GPC5: variants seen among roughly 807,000 people sequenced by gnomAD.
GPC5 encodes glypican 5.
GPC5 carries 47 observed loss-of-function variants against 53.9 expected under a neutral mutation model. The observed-to-expected ratio is 0.87, with a 90% confidence interval of 0.69 to 1.11. The LOEUF is 1.11. GPC5 is among the 50% of genes most tolerant of loss of function. The probability of loss-of-function intolerance (pLI) is 0.00; values close to 1 mark genes in which losing one functional copy is unlikely to be tolerated. For synonymous variants in GPC5, 286 were observed against 263.3 expected (o/e 1.09, Z -0.84); for missense variants, 748 against 713.1 (o/e 1.05, Z -0.56).
chr13:91,755,516 C>T (rs2037270964), intron 4 of GPC5, among the ~76,000 whole-genome samples: 1 of 152,038 alleles, frequency 6.6e-6, no homozygotes, highest in South Asian at 2.1e-4. Flanking sequence ...TGTTAAAACT[C>T]AAGTTCTTGG....
intron 6 of GPC5, among the ~76,000 whole-genome samples, chr13:91,929,522 T>C (rs1228171518): frequency 6.6e-6 from 1 of 152,162 alleles, no homozygotes. Flanking sequence ...GCAGACTCTT[T>C]CATGTTTCAT....
At chr13:91,983,856 G>T (rs1030660259) in intron 6 of GPC5, among the ~76,000 whole-genome samples, 5 of 152,094 alleles carry the variant, frequency 3.3e-5, no homozygotes, top group Admixed American at 6.5e-5. Flanking sequence ...ACATCCTGAG[G>T]TCAACCGATT....
intron 7 of GPC5, among the ~76,000 whole-genome samples, chr13:92,550,869 T>G (rs1282821761): frequency 6.6e-6 from 1 of 151,892 alleles, no homozygotes; most frequent in Non-Finnish European, 1.5e-5. Flanking sequence ...CCATCTGTTT[T>G]TATTGTTTTT....
intron 7 of GPC5, among the ~76,000 whole-genome samples, chr13:92,527,741 T>G (rs1881418354): frequency 6.6e-6 from 1 of 152,182 alleles, no homozygotes; most frequent in South Asian, 2.1e-4. Context: ...GAACAGCCTT[T>G]AAATGCATTA....
chr13:92,388,545 C>T (rs989376475), intron 7 of GPC5, among the ~76,000 whole-genome samples: 4 of 151,998 alleles, frequency 2.6e-5, no homozygotes, highest in African/African-American at 4.8e-5. Flanking sequence ...GGAATATACC[C>T]GCAATTAAAC....
At chr13:91,766,601 G>A (rs1200361038) in intron 5 of GPC5, among the ~76,000 whole-genome samples, 1 of 152,200 alleles carries the variant, frequency 6.6e-6, no homozygotes, top group Admixed American at 6.5e-5. Flanking sequence ...GGTGGCTCAT[G>A]CCTGTAATCC....
intron 7 of GPC5, among the ~76,000 whole-genome samples, chr13:92,194,204 C>T (rs1038844691): frequency 6.6e-6 from 1 of 152,106 alleles, no homozygotes; most frequent in African/African-American, 2.4e-5. Flanking sequence ...AAACAAAACA[C>T]AAGGTGATGA....
At chr13:91,496,495 T>A (rs1183094547) in intron 2 of GPC5, among the ~76,000 whole-genome samples, 1 of 152,182 alleles carries the variant, frequency 6.6e-6, no homozygotes, top group Non-Finnish European at 1.5e-5. Flanking sequence ...AATGGAACTG[T>A]TCATTATGTT....
intron 2 of GPC5, among the ~76,000 whole-genome samples, chr13:91,514,091 T>C (rs1885374183): frequency 6.6e-6 from 1 of 152,252 alleles, no homozygotes; most frequent in South Asian, 2.1e-4. Flanking sequence ...TTATTTTCAG[T>C]AAAGCTATTG....
At chr13:91,463,488 G>A (rs192746244) in intron 2 of GPC5, among the ~76,000 whole-genome samples, 4 of 152,194 alleles carry the variant, frequency 2.6e-5, no homozygotes, top group South Asian at 4.1e-4. Context: ...GAAAGGCAGA[G>A]GACCTAGAAT....
intron 7 of GPC5, among the ~76,000 whole-genome samples, chr13:92,861,409 T>C (rs1370165258): frequency 1.3e-5 from 2 of 152,194 alleles, no homozygotes; most frequent in Admixed American, 1.3e-4. Flanking sequence ...TACACTCTCC[T>C]CTCTGTCTTG....
At chr13:91,712,902 A>G (rs865894905) in intron 3 of GPC5, among the ~76,000 whole-genome samples, 3 of 152,158 alleles carry the variant, frequency 2.0e-5, no homozygotes, top group Middle Eastern at 3.4e-3. Context: ...AAAAATAAAA[A>G]ACAAGCGGCC....
chr13:91,399,323 G>T, intron 1 of GPC5, 114 bp downstream of exon 1: 9 of 1,297,714 alleles, frequency 6.9e-6, no homozygotes, highest in Non-Finnish European at 9.4e-6. Flanking sequence ...CTGCAGCCGC[G>T]CAGGGTGAAT....
chr13:91,560,796 A>C (rs1482533924), intron 2 of GPC5, among the ~76,000 whole-genome samples: 3 of 152,114 alleles, frequency 2.0e-5, no homozygotes, highest in Admixed American at 6.6e-5. Context: ...TTAAAAAAAA[A>C]ATCTGAAGAA....
chr13:92,741,848 T>C (rs551366189), intron 7 of GPC5, among the ~76,000 whole-genome samples: 4 of 152,202 alleles, frequency 2.6e-5, no homozygotes, highest in African/African-American at 9.6e-5. Flanking sequence ...TTGGTTTTTT[T>C]CCTTGAGATA....
chr13:91,807,251 T>C (rs774892260), intron 5 of GPC5, among the ~76,000 whole-genome samples: 39 of 152,126 alleles, frequency 2.6e-4, no homozygotes, highest in Non-Finnish European at 4.7e-4. Flanking sequence ...CAGGCAGAAA[T>C]ATGTAAATAG....
intron 7 of GPC5, among the ~76,000 whole-genome samples, chr13:92,763,455 T>A (rs548237678): frequency 6.6e-6 from 1 of 152,236 alleles, no homozygotes; most frequent in Admixed American, 6.5e-5. Context: ...GGGTGCTTAG[T>A]GACAAGGGCT....
intron 5 of GPC5, among the ~76,000 whole-genome samples, chr13:91,805,314 A>G (rs1174614397): frequency 6.6e-6 from 1 of 152,194 alleles, no homozygotes; most frequent in Non-Finnish European, 1.5e-5. Flanking sequence ...AAATATGGCT[A>G]AAGAAGCTTT....
At chr13:92,092,002 A>G (rs1340606507) in intron 6 of GPC5, among the ~76,000 whole-genome samples, 1 of 152,188 alleles carries the variant, frequency 6.6e-6, no homozygotes, top group African/African-American at 2.4e-5. Context: ...TGAGGTATAT[A>G]TCTATAATAT....
Sources: allele counts gnomAD v4.1 joint callset (sites outside exome capture counted in the v4.1 genomes callset), GRCh38; gene constraint gnomAD v4.1.1; transcripts MANE v1.5; gene names NCBI Gene and HGNC (gene_info 2026-07-23, HGNC 2026-07-21).